Variants in GPC3 observed in about 807,000 individuals in gnomAD.
GPC3 encodes the protein glypican 3.
A neutral mutation model predicts 34.4 loss-of-function variants in GPC3; 3 were observed. That is an observed-to-expected ratio of 0.09 (90% CI 0.04 to 0.23). The LOEUF (loss-of-function observed/expected upper bound fraction) is 0.23. Among genes scored for constraint, GPC3 ranks in the 10% least tolerant of loss-of-function variants. The pLI is 1.00. For synonymous variants in GPC3, 177 were observed against 174.0 expected (o/e 1.02, Z -0.13); for missense variants, 351 against 445.6 (o/e 0.79, Z 1.91).
At chrX:133,723,708 C>T (rs1224054122) in intron 3 of GPC3, among the ~76,000 whole-genome samples, 1 of 111,654 alleles carries the variant, frequency 9.0e-6, no homozygotes, top group African/African-American at 3.3e-5. Flanking sequence ...TGTGAAATCT[C>T]CTGCTCTCTC....
At chrX:133,816,296 C>T (rs1267836832) in intron 2 of GPC3, among the ~76,000 whole-genome samples, 1 of 111,758 alleles carries the variant, frequency 8.9e-6, no homozygotes, top group African/African-American at 3.3e-5. Flanking sequence ...CTCAAGGGAT[C>T]CTCCTGCCTT....
intron 2 of GPC3, among the ~76,000 whole-genome samples, chrX:133,755,393 C>A (rs1603241049): frequency 8.9e-6 from 1 of 111,780 alleles, no homozygotes; most frequent in Non-Finnish European, 1.9e-5. Flanking sequence ...GAAGTGAGCT[C>A]TAGGTTGTGC....
intron 2 of GPC3, among the ~76,000 whole-genome samples, chrX:133,932,759 C>T (rs1471190983): frequency 1.8e-5 from 2 of 110,907 alleles, no homozygotes; most frequent in African/African-American, 6.6e-5. Context: ...GAAAAAAAGT[C>T]ACATATACAA....
intron 6 of GPC3, among the ~76,000 whole-genome samples, chrX:133,632,135 T>C (rs1030312547): frequency 1.8e-5 from 2 of 111,407 alleles, no homozygotes; most frequent in South Asian, 3.8e-4. Context: ...TGTCTCCCTC[T>C]GTTGCCCAGG....
At chrX:133,976,576 A>G (rs2076515967) in intron 1 of GPC3, among the ~76,000 whole-genome samples, 1 of 111,629 alleles carries the variant, frequency 9.0e-6, no homozygotes. Context: ...ATAGTTAAAA[A>G]ATATTTCTTT....
chrX:133,879,426 G>A (rs2076031293), intron 2 of GPC3, among the ~76,000 whole-genome samples: 1 of 111,143 alleles, frequency 9.0e-6, no homozygotes, highest in African/African-American at 3.3e-5. Flanking sequence ...GATATTGAGA[G>A]GTGTGTCTGT....
intron 3 of GPC3, among the ~76,000 whole-genome samples, chrX:133,750,514 GC>G (rs2071655815): frequency 8.9e-6 from 1 of 111,897 alleles, no homozygotes; most frequent in Admixed American, 9.4e-5. Context: ...ATCTCTCACA[GC>G]CCTTTCAACA....
chrX:133,801,306 A>G lies in GPC3; in HGVS notation c.338-47130T>C, dbSNP rs141128495. Among the ~76,000 whole-genome samples the G allele has an allele frequency of 1.9e-3, 210 of 111,098 alleles. 2 individuals carry two copies. The South Asian group carries it at 0.02, about 10-fold the overall frequency. On this transcript the variant is annotated intron_variant, in intron 2 of 7. Coordinates refer to ENST00000370818, the MANE Select transcript of GPC3 (RefSeq NM_004484.4). ...CAGCCAGAGATGCTCTTTGAAATAC[A>G]TTTTCTACTTTTGGTCAGGTTCAGT...
At chrX:133,859,690 G>A (rs1180624554) in intron 2 of GPC3, among the ~76,000 whole-genome samples, 1 of 112,600 alleles carries the variant, frequency 8.9e-6, no homozygotes, top group African/African-American at 3.2e-5. Flanking sequence ...TCAGGATTTT[G>A]AGTTTGCAAA....
intron 2 of GPC3, among the ~76,000 whole-genome samples, chrX:133,814,324 T>C (rs1289618898): frequency 1.8e-5 from 2 of 111,103 alleles, no homozygotes; most frequent in Non-Finnish European, 3.8e-5. Flanking sequence ...GAAGCACACA[T>C]ACTTTGCGGG....
chrX:133,947,584 T>C (rs2076374429), intron 2 of GPC3, among the ~76,000 whole-genome samples: 1 of 112,173 alleles, frequency 8.9e-6, no homozygotes, highest in African/African-American at 3.2e-5. Context: ...CTGAAATGGC[T>C]TTAAACACTC....
intron 3 of GPC3, among the ~76,000 whole-genome samples, chrX:133,736,714 G>A (rs2071514345): frequency 1.8e-5 from 2 of 111,663 alleles, no homozygotes; most frequent in Admixed American, 9.5e-5. Context: ...CCAGGTATGG[G>A]GGACAGGGGA....
rs759674603 is a variant in GPC3 at position 133,726,243 on chromosome X, T to G, written c.1033-26215A>C. Among the ~76,000 whole-genome samples, 4 of 111,594 alleles carry G rather than the reference T, an allele frequency of 3.6e-5. No homozygotes were observed. In the East Asian group the frequency reaches 1.1e-3, roughly 32 times the overall value. ...TTGTTTTGATCCAAACATTGGCAGC[T>G]GGGTAACAAAAAAACCTAGCATTCA... On this transcript the variant is annotated intron_variant, in intron 3 of 7. Coordinates refer to ENST00000370818, the MANE Select transcript of GPC3 (RefSeq NM_004484.4).
intron 2 of GPC3, among the ~76,000 whole-genome samples, chrX:133,895,064 A>G (rs1444212683): frequency 1.8e-5 from 2 of 112,245 alleles, no homozygotes; most frequent in Non-Finnish European, 3.8e-5. Flanking sequence ...AGAAGTGTTC[A>G]TAGTATAGTG....
intron 2 of GPC3, among the ~76,000 whole-genome samples, chrX:133,818,210 A>AT (rs1002218851): frequency 2.7e-5 from 3 of 111,705 alleles, no homozygotes; most frequent in African/African-American, 9.8e-5. Flanking sequence ...ATCAATACCA[A>AT]TTTTTTTCTT....
At chrX:133,697,794 T>C (rs1161693549) in intron 4 of GPC3, among the ~76,000 whole-genome samples, 1 of 112,179 alleles carries the variant, frequency 8.9e-6, no homozygotes. Flanking sequence ...CATACTTTGT[T>C]GTTTTGTTCA....
intron 2 of GPC3, among the ~76,000 whole-genome samples, chrX:133,857,754 T>C (rs1459529249): frequency 8.9e-6 from 1 of 111,916 alleles, no homozygotes; most frequent in African/African-American, 3.3e-5. Context: ...TCTCACCATA[T>C]GACAATATAA....
chrX:133,881,690 A>T (rs1365767629), intron 2 of GPC3, among the ~76,000 whole-genome samples: 1 of 112,158 alleles, frequency 8.9e-6, no homozygotes, highest in Non-Finnish European at 1.9e-5. Flanking sequence ...TGAAGAACTA[A>T]GTCCTTTTTT....
chrX:133,543,633 A>G (rs773419966), intron 7 of GPC3, among the ~76,000 whole-genome samples: 46 of 112,748 alleles, frequency 4.1e-4, no homozygotes, highest in Middle Eastern at 9.2e-3. Context: ...TAGCTGAGGC[A>G]TGGCCTCTCT....
Sources: gnomAD v4.1 joint callset for allele counts (sites outside exome capture counted in the v4.1 genomes callset) on GRCh38, gnomAD v4.1.1 for gene constraint, MANE v1.5 for transcripts, NCBI Gene and HGNC (gene_info 2026-07-23, HGNC 2026-07-21) for gene names.